The following KIAA2012 variants were observed in gnomAD, a reference collection of about 807,000 sequenced individuals.
The protein encoded by KIAA2012 is KIAA2012.
A neutral mutation model predicts 150.6 loss-of-function variants in KIAA2012; 125 were observed. The observed-to-expected ratio is 0.83, with a 90% CI of 0.72 to 0.96. The LOEUF is 0.96. Among genes scored for constraint, KIAA2012 ranks in the 40% least tolerant of loss-of-function variants. The probability of loss-of-function intolerance (pLI) is 0.00; values close to 1 mark genes in which losing one functional copy is unlikely to be tolerated. For synonymous variants in KIAA2012, 462 were observed against 504.7 expected, an observed-to-expected ratio of 0.92 and a Z score of 1.13; for missense variants, 1,219 against 1,354.9, an observed-to-expected ratio of 0.90 and a Z score of 1.57.
intron 13 of KIAA2012, among the ~76,000 whole-genome samples, chr2:202,141,325 C>T (rs1691193021): frequency 6.6e-6 from 1 of 151,582 alleles, no homozygotes; most frequent in South Asian, 2.1e-4. Flanking sequence ...TCAAAAGAAA[C>T]GAGAGTAGCA....
intron 15 of KIAA2012, chr2:202,179,897 A>G: frequency 2.8e-6 from 2 of 721,702 alleles, no homozygotes; most frequent in Non-Finnish European, 2.4e-6. Flanking sequence ...TTTGAAGGCC[A>G]AATGAGAGGA....
At position 202,196,935 on chromosome 2, in the gene KIAA2012, A is replaced by C; in HGVS notation, c.3323A>C (p.Glu1108Ala). The C allele has an allele frequency of 6.4e-7, 1 of 1,550,682 alleles. No homozygotes were observed. ...KQEAEEKARL[E>A]AEERRQKEEE... The stretch of plus-strand genomic sequence containing the variant: ...GAAGCAGAAGAGAAGGCTCGGCTGG[A>C]GGCAGAGGAGAGGAGGCAAAAAGAA... The change falls in exon 22 of 24, where the codon GAG (glutamate) becomes GCG (alanine). Residue 1108 changes from glutamate to alanine, a missense_variant. Coordinates refer to ENST00000498697, the MANE Select transcript of KIAA2012 (RefSeq NM_001277372.4).
chr2:202,154,470 G>A (rs372555160), intron 13 of KIAA2012, among the ~76,000 whole-genome samples: 52 of 152,200 alleles, frequency 3.4e-4, no homozygotes, highest in African/African-American at 1.1e-3. Flanking sequence ...TTCCACTTCC[G>A]TAGGCATTAA....
rs548616688 is a variant in KIAA2012 at position 202,094,407 on chromosome 2, A to G, written c.685+1222A>G. On this transcript the variant is annotated intron_variant, in intron 4 of 23. Transcript: ENST00000498697. ...TTATCAAATGAATGGAGAAGTGAAC[A>G]TGGCAGGTTCTCAGAGCCTGGGGCC... Among the ~76,000 whole-genome samples the G allele has an allele frequency of 2.6e-5, 4 of 152,370 alleles. No individual in the cohort carries two copies. The South Asian group carries it at 6.2e-4, about 24-fold the overall frequency.
At chr2:202,194,925 T>C (rs895164174) in intron 21 of KIAA2012, among the ~76,000 whole-genome samples, 2 of 151,892 alleles carry the variant, frequency 1.3e-5, no homozygotes, top group Admixed American at 1.3e-4. Flanking sequence ...CCCGCCACCA[T>C]GCACAGATAA....
At position 202,103,119 on chromosome 2, in the gene KIAA2012, G is replaced by T. The variant is rs776421937; in HGVS notation, c.1324+5G>T. 140 of 1,550,046 alleles carry T rather than the reference G, an allele frequency of 9.0e-5. No homozygotes were observed. The highest frequency in any genetic ancestry group is 1.2e-4 in the Non-Finnish European group (133 of 1,146,964). On this transcript the variant is annotated splice_donor_5th_base_variant and intron_variant, in intron 8 of 23. Transcript: ENST00000498697. ...AAGAGAAAGCCCACAGAAGAGGTAG[G>T]TCCCGGGTGCATGGGCACTCCTGAG...
intron 12 of KIAA2012, among the ~76,000 whole-genome samples, chr2:202,127,431 G>A (rs1032549019): frequency 2.0e-5 from 3 of 152,152 alleles, no homozygotes; most frequent in Non-Finnish European, 4.4e-5. Context: ...AAATTCTGAT[G>A]GGGTGGAAAC....
intron 11 of KIAA2012, chr2:202,114,510 A>C (rs1690463174): frequency 6.0e-6 from 1 of 167,142 alleles, no homozygotes. Flanking sequence ...CTGGAAAGCA[A>C]ATATGATTCT....
At position 202,194,311 on chromosome 2, in the gene KIAA2012, A is replaced by G; in HGVS notation, c.3136A>G (p.Lys1046Glu). The change falls in exon 21 of 24, where the codon AAA becomes GAA. Residue 1046 changes from lysine to glutamate, a missense_variant. Lys to Glu is a moderately conservative substitution (Grantham distance 56). Transcript: ENST00000498697. The part of the protein sequence containing the change: ...ARQQQEEFRR[K>E]LRELQRKKQQ... The stretch of plus-strand genomic sequence containing the variant: ...GCAACAGCAAGAGGAGTTTCGGAGG[A>G]AACTGCGAGAACTACAGAGAAAAAA... 1 of 1,550,508 alleles carries G rather than the reference A, an allele frequency of 6.4e-7. No homozygotes were observed. Among genetic ancestry groups the G allele is most frequent in the Non-Finnish European group, 8.7e-7 (1 of 1,146,998 alleles).
chr2:202,124,946 C>T (rs1189510069), intron 11 of KIAA2012, among the ~76,000 whole-genome samples: 6 of 152,178 alleles, frequency 3.9e-5, no homozygotes, highest in African/African-American at 1.4e-4. Context: ...GGCACATGCC[C>T]GTAATGCCAG....
intron 15 of KIAA2012, among the ~76,000 whole-genome samples, chr2:202,166,542 C>T (rs1691767668): frequency 6.6e-6 from 1 of 151,972 alleles, no homozygotes; most frequent in African/African-American, 2.4e-5. Context: ...AGTCCCATCA[C>T]TCCAGAGGCT....
At chr2:202,099,243 G>C (rs1485591966) in intron 5 of KIAA2012, among the ~76,000 whole-genome samples, 1 of 152,082 alleles carries the variant, frequency 6.6e-6, no homozygotes, top group African/African-American at 2.4e-5. Context: ...TCCTGCCTCG[G>C]CCTCCCAAAG....
chr2:202,171,392 G>A (rs574066766), intron 15 of KIAA2012, among the ~76,000 whole-genome samples: 2 of 152,194 alleles, frequency 1.3e-5, no homozygotes, highest in South Asian at 2.1e-4. Flanking sequence ...AGCTTCTCTC[G>A]GGGCCTGCCG....
intron 15 of KIAA2012, 134 bp from the exon 16 acceptor site, chr2:202,184,619 T>C (rs1034313599): frequency 1.4e-5 from 7 of 493,360 alleles, no homozygotes; most frequent in Non-Finnish European, 1.8e-5. Context: ...TTGCTAATTT[T>C]CTGGGTATAG....
intron 14 of KIAA2012, among the ~76,000 whole-genome samples, chr2:202,158,377 C>T (rs1403904733): frequency 6.6e-6 from 1 of 152,142 alleles, no homozygotes; most frequent in Non-Finnish European, 1.5e-5. Context: ...TCATCTCTAT[C>T]CTTGACCTTC....
At chr2:202,121,441 T>C (rs1327335825) in intron 11 of KIAA2012, among the ~76,000 whole-genome samples, 1 of 152,178 alleles carries the variant, frequency 6.6e-6, no homozygotes, top group Non-Finnish European at 1.5e-5. Flanking sequence ...TGAAATATGG[T>C]TGAACCTCAA....
At chr2:202,180,979 AT>A (rs962449760) in intron 15 of KIAA2012, among the ~76,000 whole-genome samples, 5 of 151,996 alleles carry the variant, frequency 3.3e-5, no homozygotes, top group Non-Finnish European at 7.4e-5. Context: ...GCAATTAAAA[AT>A]TTTTTTTGAG....
At chr2:202,158,967 C>A (rs1691594618) in intron 14 of KIAA2012, among the ~76,000 whole-genome samples, 1 of 152,146 alleles carries the variant, frequency 6.6e-6, no homozygotes, top group South Asian at 2.1e-4. Flanking sequence ...CTCGCAGTTC[C>A]CACACAGTTA....
At chr2:202,145,425 G>A (rs1432445538) in intron 13 of KIAA2012, among the ~76,000 whole-genome samples, 1 of 152,162 alleles carries the variant, frequency 6.6e-6, no homozygotes, top group Non-Finnish European at 1.5e-5. Flanking sequence ...AATTTCCTGA[G>A]AGGGGTTTGT....
Sources: gnomAD v4.1 joint callset for allele counts (sites outside exome capture counted in the v4.1 genomes callset) on GRCh38, gnomAD v4.1.1 for gene constraint, MANE v1.5 for transcripts, NCBI Gene and HGNC (gene_info 2026-07-23, HGNC 2026-07-21) for gene names.